The following LHFPL3 variants were observed in gnomAD, a reference collection of about 807,000 sequenced individuals.
The protein encoded by LHFPL3 is LHFPL tetraspan subfamily member 3.
Under a neutral mutation model 19.3 loss-of-function variants are expected in LHFPL3, and 5 were observed. The ratio of observed to expected loss-of-function variants is 0.26; its 90% CI spans 0.14 to 0.54. The LOEUF (loss-of-function observed/expected upper bound fraction) is 0.54. Ranked by LOEUF, LHFPL3 falls within the 20% of genes least tolerant of loss-of-function variation. The probability of loss-of-function intolerance (pLI) is 0.94; values close to 1 mark genes in which losing one functional copy is unlikely to be tolerated. For synonymous variants in LHFPL3, 133 were observed against 126.2 expected (o/e 1.05, Z -0.36); for missense variants, 249 against 307.4 (o/e 0.81, Z 1.42).
chr7:104,670,872 T>G lies in LHFPL3; in HGVS notation c.446-65803T>G, dbSNP rs193151393. On this transcript the variant is annotated intron_variant, in intron 1 of 2. Transcript: ENST00000424859. ...GACCAATGTGTTTTGTTTTGTTTTT[T>G]TTTTTTTAAGCTTCCCTTGAGAGAA... Among the ~76,000 whole-genome samples, 5 of 152,092 alleles carry G rather than the reference T, an allele frequency of 3.3e-5. 1 individual carries two copies. The highest frequency in any genetic ancestry group is 1.2e-4 in the African/African-American group (5 of 41,502).
At position 104,592,448 on chromosome 7, in the gene LHFPL3, G is replaced by C. The variant is rs530192966; in HGVS notation, c.446-144227G>C. ...AGGCTGCAGAACAGCAAATGTTGCTGCCTGGTCCTTCCTCTGGAAGCTTCT... is the reference window on the plus strand; with the variant it reads ...AGGCTGCAGAACAGCAAATGTTGCTCCCTGGTCCTTCCTCTGGAAGCTTCT... On this transcript the variant is annotated intron_variant, in intron 1 of 2. Coordinates refer to ENST00000424859, the MANE Select transcript of LHFPL3 (RefSeq NM_199000.3). 2.0e-5 allele frequency among the ~76,000 whole-genome samples: 3 copies of C among 151,258 alleles called. No individual in the cohort carries two copies. The East Asian group carries it at 5.9e-4, about 30-fold the overall frequency.
chr7:104,657,505 T>C (rs1183761078), intron 1 of LHFPL3, among the ~76,000 whole-genome samples: 1 of 152,268 alleles, frequency 6.6e-6, no homozygotes, highest in Non-Finnish European at 1.5e-5. Flanking sequence ...CTGCCATTTC[T>C]TTAATGCCTA....
At chr7:104,682,556 A>G (rs568463052) in intron 1 of LHFPL3, among the ~76,000 whole-genome samples, 10 of 152,272 alleles carry the variant, frequency 6.6e-5, no homozygotes, top group Admixed American at 5.2e-4. Context: ...AACTCCTACA[A>G]TAATGGTAAA....
At chr7:104,684,979 C>T (rs941051508) in intron 1 of LHFPL3, among the ~76,000 whole-genome samples, 5 of 152,258 alleles carry the variant, frequency 3.3e-5, no homozygotes, top group Middle Eastern at 3.4e-3. Context: ...AAACAAAATA[C>T]GAATTGATTA....
chr7:104,385,767 T>C (rs758628805), intron 1 of LHFPL3, among the ~76,000 whole-genome samples: 2 of 152,218 alleles, frequency 1.3e-5, no homozygotes, highest in Non-Finnish European at 2.9e-5. Flanking sequence ...GTGTGGACTA[T>C]AAATGTTTCT....
intron 1 of LHFPL3, among the ~76,000 whole-genome samples, chr7:104,494,975 T>G (rs62485111): frequency 0.081 from 12,298 of 152,194 alleles, 709 homozygotes; most frequent in Middle Eastern, 0.15. Context: ...ACACACCAGT[T>G]TCCACTTCCA....
At chr7:104,371,424 C>G (rs1389033951) in intron 1 of LHFPL3, among the ~76,000 whole-genome samples, 1 of 152,148 alleles carries the variant, frequency 6.6e-6, no homozygotes, top group Non-Finnish European at 1.5e-5. Context: ...TCTCTCATGG[C>G]AACAGGCTAA....
intron 1 of LHFPL3, among the ~76,000 whole-genome samples, chr7:104,496,624 A>G (rs576093209): frequency 3.3e-5 from 5 of 152,246 alleles, no homozygotes; most frequent in Admixed American, 1.3e-4. Context: ...CATCCTCTCC[A>G]GCACCTGTTG....
chr7:104,690,007 TAA>T (rs35928936), intron 1 of LHFPL3, among the ~76,000 whole-genome samples: 1 of 151,460 alleles, frequency 6.6e-6, no homozygotes, highest in African/African-American at 2.4e-5. Flanking sequence ...TGCCTCTACC[TAA>T]AAAAAAATAG....
intron 1 of LHFPL3, among the ~76,000 whole-genome samples, chr7:104,333,560 G>T (rs1358150914): frequency 6.6e-6 from 1 of 152,156 alleles, no homozygotes; most frequent in African/African-American, 2.4e-5. Context: ...GAATTGTTTA[G>T]TCTGTTACCC....
intron 1 of LHFPL3, among the ~76,000 whole-genome samples, chr7:104,370,623 C>T (rs1392264355): frequency 6.6e-6 from 1 of 152,334 alleles, no homozygotes; most frequent in Non-Finnish European, 1.5e-5. Flanking sequence ...TGGCTCACGC[C>T]TGTAATCCCA....
At chr7:104,829,336 AATT>A (rs1790889548) in intron 2 of LHFPL3, among the ~76,000 whole-genome samples, 1 of 151,028 alleles carries the variant, frequency 6.6e-6, no homozygotes, top group Non-Finnish European at 1.5e-5. Context: ...TTTTTTTTTT[AATT>A]ATTATTATAC....
At chr7:104,715,619 C>T (rs1793371013) in intron 1 of LHFPL3, among the ~76,000 whole-genome samples, 1 of 152,164 alleles carries the variant, frequency 6.6e-6, no homozygotes, top group African/African-American at 2.4e-5. Flanking sequence ...TGAATTTTCT[C>T]AAGTGCTTTT....
intron 1 of LHFPL3, among the ~76,000 whole-genome samples, chr7:104,547,477 A>G (rs1269501942): frequency 2.0e-5 from 3 of 152,120 alleles, no homozygotes; most frequent in African/African-American, 7.2e-5. Flanking sequence ...GAGTATGAGT[A>G]ATCAATAGTG....
At chr7:104,668,670 T>G in intron 1 of LHFPL3, 2 of 1,609,254 alleles carry the variant, frequency 1.2e-6, no homozygotes, top group Non-Finnish European at 8.5e-7. Context: ...GTCGTGGAGC[T>G]CCAGAGATGA....
intron 1 of LHFPL3, among the ~76,000 whole-genome samples, chr7:104,595,114 G>C (rs1790817353): frequency 6.6e-6 from 1 of 152,222 alleles, no homozygotes; most frequent in Non-Finnish European, 1.5e-5. Context: ...TCGAGGAGAA[G>C]AGGCACTCTG....
At chr7:104,677,752 A>T (rs1367308706) in intron 1 of LHFPL3, among the ~76,000 whole-genome samples, 1 of 152,226 alleles carries the variant, frequency 6.6e-6, no homozygotes, top group East Asian at 1.9e-4. Context: ...TAGTTAGTAC[A>T]ACTGAGGAAC....
intron 1 of LHFPL3, among the ~76,000 whole-genome samples, chr7:104,666,621 A>C (rs967953759): frequency 7.5e-6 from 1 of 132,880 alleles, no homozygotes; most frequent in Non-Finnish European, 1.6e-5. Flanking sequence ...TCCCGGGTTC[A>C]CGCCATTCTC....
At chr7:104,765,646 G>C (rs766067772) in intron 2 of LHFPL3, among the ~76,000 whole-genome samples, 1 of 152,194 alleles carries the variant, frequency 6.6e-6, no homozygotes, top group African/African-American at 2.4e-5. Context: ...CATGTACAAA[G>C]TGCAATACTG....
Sources: allele counts gnomAD v4.1 joint callset (sites outside exome capture counted in the v4.1 genomes callset), GRCh38; gene constraint gnomAD v4.1.1; transcripts MANE v1.5; gene names NCBI Gene and HGNC (gene_info 2026-07-23, HGNC 2026-07-21).